NRG2: variants seen among roughly 807,000 people sequenced by gnomAD.
NRG2 encodes neuregulin 2.
Under a neutral mutation model 73.9 loss-of-function variants are expected in NRG2, and 27 were observed. The ratio of observed to expected loss-of-function variants is 0.37; its 90% CI spans 0.27 to 0.50. NRG2 has a LOEUF of 0.50. Ranked by LOEUF, NRG2 falls within the 20% of genes least tolerant of loss-of-function variation. The pLI is 0.96. For missense variants in NRG2, 1,126 were observed against 1,210.1 expected (o/e 0.93, Z 1.03); for synonymous variants, 532 against 541.0 (o/e 0.98, Z 0.23).
rs1762037850 is a variant in NRG2, at chr5:140,042,775, G to C, written c.295C>G (p.Pro99Ala). ...CCGAAGAGCAGCATGGAGAAGCCGGGGGCCGGGTCGCGCCTCATGCCGCCG... is the reference window on the plus strand; with the variant it reads ...CCGAAGAGCAGCATGGAGAAGCCGGCGGCCGGGTCGCGCCTCATGCCGCCG... The part of the protein sequence containing the change: ...AAGGMRRDPA[P>A]GFSMLLFGVS... Residue 99 changes from proline to alanine, a missense_variant, in exon 1 of 10, where the codon CCC becomes GCC. Coordinates refer to ENST00000361474, the MANE Select transcript of NRG2 (RefSeq NM_004883.3). 2 of 1,536,982 alleles carry C rather than the reference G, an allele frequency of 1.3e-6. No homozygotes were observed. Among genetic ancestry groups the C allele is most frequent in the Non-Finnish European group, 1.7e-6 (2 of 1,142,858 alleles).
At chr5:140,034,420 T>C (rs1761363545) in intron 1 of NRG2, among the ~76,000 whole-genome samples, 1 of 152,158 alleles carries the variant, frequency 6.6e-6, no homozygotes, top group Admixed American at 6.5e-5. Context: ...TTTTTCTGCA[T>C]GAATAGAAAA....
chr5:139,873,961 G>C (rs953672643), intron 3 of NRG2, among the ~76,000 whole-genome samples: 1 of 152,252 alleles, frequency 6.6e-6, no homozygotes. Flanking sequence ...ACGAGGCTGG[G>C]ACCCCGGGAA....
intron 1 of NRG2, among the ~76,000 whole-genome samples, chr5:139,992,024 T>C (rs1033847161): frequency 2.0e-5 from 3 of 152,164 alleles, no homozygotes; most frequent in Non-Finnish European, 2.9e-5. Context: ...TTCAGTATTT[T>C]AAATCCTTAC....
At chr5:139,951,388 C>T (rs1580802428) in intron 1 of NRG2, among the ~76,000 whole-genome samples, 1 of 152,190 alleles carries the variant, frequency 6.6e-6, no homozygotes, top group East Asian at 1.9e-4. Context: ...AATGCTGGTG[C>T]TGTCATGGGG....
At chr5:139,883,521 C>T (rs1412936881) in intron 2 of NRG2, among the ~76,000 whole-genome samples, 3 of 152,138 alleles carry the variant, frequency 2.0e-5, no homozygotes, top group Non-Finnish European at 4.4e-5. Context: ...GGGGTCTCTA[C>T]AGGTCAACAG....
At chr5:139,947,204 T>C (rs1753858253) in intron 1 of NRG2, among the ~76,000 whole-genome samples, 1 of 152,188 alleles carries the variant, frequency 6.6e-6, no homozygotes, top group African/African-American at 2.4e-5. Context: ...GAACATTTTA[T>C]CAACCTGAGA....
At chr5:140,024,544 C>A (rs1760521100) in intron 1 of NRG2, among the ~76,000 whole-genome samples, 2 of 152,190 alleles carry the variant, frequency 1.3e-5, no homozygotes, top group Admixed American at 1.3e-4. Context: ...CGTGAGCCAC[C>A]GCCCCCGGCC....
chr5:139,942,053 C>T (rs1268913641), intron 1 of NRG2, among the ~76,000 whole-genome samples: 2 of 152,154 alleles, frequency 1.3e-5, no homozygotes. Flanking sequence ...TTTGATAACA[C>T]TGGTTAAGGG....
intron 1 of NRG2, among the ~76,000 whole-genome samples, chr5:139,997,272 A>C (rs79909464): frequency 6.6e-6 from 1 of 152,158 alleles, no homozygotes; most frequent in African/African-American, 2.4e-5. Context: ...CTAGAAAAAA[A>C]CCCACCCTTC....
At chr5:139,959,889 A>G (rs1754931918) in intron 1 of NRG2, among the ~76,000 whole-genome samples, 1 of 152,220 alleles carries the variant, frequency 6.6e-6, no homozygotes, top group South Asian at 2.1e-4. Flanking sequence ...ACTACCAAGT[A>G]GCCTGGGACA....
At chr5:140,041,959 G>T (rs1315617260) in intron 1 of NRG2, among the ~76,000 whole-genome samples, 1 of 152,030 alleles carries the variant, frequency 6.6e-6, no homozygotes, top group Non-Finnish European at 1.5e-5. Flanking sequence ...CTGCCAGCCT[G>T]GGCACGGCAG....
Position 139,852,302 on chromosome 5 carries a change from G to A in NRG2, c.1544+130C>T. Reference sequence around the variant, plus strand: ...CTGCAGTTCTGGAGAGGAGGCTAAGGTGTGCTGTGATTCCTGTGGCAAGCT... The same window carrying A: ...CTGCAGTTCTGGAGAGGAGGCTAAGATGTGCTGTGATTCCTGTGGCAAGCT... On this transcript the variant is annotated intron_variant, in intron 8 of 9. Coordinates refer to ENST00000361474, the MANE Select transcript of NRG2 (RefSeq NM_004883.3). This position sits in a 1 kb window ranked among gnomAD's most constrained non-coding sequence, Gnocchi z 4.4. 8.8e-7 allele frequency: 1 copy of A among 1,136,892 alleles called. No individual in the cohort carries two copies. The allele number at this position is 1,136,892 out of a possible 1,614,324, so 70.4% of individuals were successfully genotyped here. A position where few individuals can be genotyped will look rare whatever the true frequency, so the allele number is the denominator to read the frequency against.
chr5:140,032,735 A>G (rs1194313015), intron 1 of NRG2, among the ~76,000 whole-genome samples: 1 of 152,252 alleles, frequency 6.6e-6, no homozygotes, highest in Admixed American at 6.5e-5. Flanking sequence ...GATAAGTGTT[A>G]TATACATAAT....
At chr5:139,919,683 T>G (rs1751520591) in intron 1 of NRG2, among the ~76,000 whole-genome samples, 1 of 152,166 alleles carries the variant, frequency 6.6e-6, no homozygotes, top group Admixed American at 6.5e-5. Context: ...TGTATATACT[T>G]GGCATGCAAA....
Position 139,904,805 on chromosome 5 carries a change from C to G in NRG2, c.701-17294G>C, listed in dbSNP as rs1435299276. On this transcript the variant is annotated intron_variant, in intron 1 of 9. Coordinates refer to ENST00000361474, the MANE Select transcript of NRG2 (RefSeq NM_004883.3). The surrounding 1 kb of genome is among the most constrained non-coding windows in gnomAD (Gnocchi z 6.0). ...GGACAGCATGGGGGTGGGGAGACAG[C>G]GAGGAAAGGGCCCAGGAAGGGACCA... 6.6e-6 allele frequency among the ~76,000 whole-genome samples: 1 copy of G among 152,136 alleles called. No homozygotes were observed. Among genetic ancestry groups the G allele is most frequent in the African/African-American group, 2.4e-5 (1 of 41,442 alleles).
chr5:139,912,307 G>A (rs1208812517), intron 1 of NRG2, among the ~76,000 whole-genome samples: 7 of 151,974 alleles, frequency 4.6e-5, no homozygotes, highest in Non-Finnish European at 1.0e-4. Flanking sequence ...TGAGCCCAGA[G>A]GCAAAAAATT....
At position 139,852,399 on chromosome 5, in the gene NRG2, C is replaced by T; in HGVS notation, c.1544+33G>A. 6.2e-7 allele frequency: 1 copy of T among 1,606,364 alleles called. No homozygotes were observed. The highest frequency in any genetic ancestry group is 8.5e-7 in the Non-Finnish European group (1 of 1,176,834). Reference sequence around the variant, plus strand: ...TTTGCGCCAGATGAAGTATGTGAGTCTACAAGTTTCCATGGGCCTTGGTGG... The same window carrying T: ...TTTGCGCCAGATGAAGTATGTGAGTTTACAAGTTTCCATGGGCCTTGGTGG... On this transcript the variant is annotated intron_variant, in intron 8 of 9. Coordinates refer to ENST00000361474, the MANE Select transcript of NRG2 (RefSeq NM_004883.3). This position sits in a 1 kb window ranked among gnomAD's most constrained non-coding sequence, Gnocchi z 4.4.
At chr5:140,030,475 G>A (rs1238166653) in intron 1 of NRG2, among the ~76,000 whole-genome samples, 2 of 152,222 alleles carry the variant, frequency 1.3e-5, no homozygotes, top group African/African-American at 4.8e-5. Flanking sequence ...AGCCCACATT[G>A]TCTGTGGGCA....
At position 139,856,009 on chromosome 5, in the gene NRG2, C is replaced by T. The variant is rs892775767; in HGVS notation, c.1190-231G>A. Among the ~76,000 whole-genome samples the T allele has an allele frequency of 4.6e-5, 7 of 152,214 alleles. No individual in the cohort carries two copies. Among genetic ancestry groups the T allele is most frequent in the Admixed American group, 1.3e-4 (2 of 15,290 alleles). On this transcript the variant is annotated intron_variant, in intron 5 of 9. Transcript: ENST00000361474. This position sits in a 1 kb window ranked among gnomAD's most constrained non-coding sequence, Gnocchi z 4.2. Reference sequence around the variant, plus strand: ...ATGGATCTGGTCACACACAACTCCTCCTGAGTTCCCCTCCCCAAGCCCCAT... The same window carrying T: ...ATGGATCTGGTCACACACAACTCCTTCTGAGTTCCCCTCCCCAAGCCCCAT...
Sources: gnomAD v4.1 joint callset for allele counts (sites outside exome capture counted in the v4.1 genomes callset) on GRCh38, gnomAD v4.1.1 for gene constraint, Gnocchi (gnomAD v3.1) non-coding constraint, MANE v1.5 for transcripts, NCBI Gene and HGNC (gene_info 2026-07-23, HGNC 2026-07-21) for gene names.